The following C1orf21 variants were observed in gnomAD, a reference collection of about 807,000 sequenced individuals.
C1orf21 encodes chromosome 1 open reading frame 21.
Under a neutral mutation model 18.7 loss-of-function variants are expected in C1orf21, and 3 were observed. The observed-to-expected ratio is 0.16, with a 90% CI of 0.07 to 0.42. The LOEUF (loss-of-function observed/expected upper bound fraction) is 0.42, where lower values mean the gene tolerates loss of function less well. Ranked by LOEUF, C1orf21 falls within the 10% of genes least tolerant of loss-of-function variation. The pLI is 0.99. For synonymous variants in C1orf21, 41 were observed against 46.4 expected, an observed-to-expected ratio of 0.88 and a Z score of 0.47; for missense variants, 104 against 143.6, an observed-to-expected ratio of 0.72 and a Z score of 1.41.
intron 3 of C1orf21, chr1:184,566,461 C>T (rs886072142): frequency 4.1e-6 from 1 of 245,068 alleles, no homozygotes; most frequent in South Asian, 6.7e-5. Context: ...TATATATGAA[C>T]TTGTTGTTCT....
chr1:184,432,414 C>T (rs1341651022), intron 1 of C1orf21, among the ~76,000 whole-genome samples: 2 of 152,082 alleles, frequency 1.3e-5, no homozygotes, highest in Non-Finnish European at 2.9e-5. Flanking sequence ...CAAACTAACA[C>T]GGGAACAGAA....
At chr1:184,570,319 G>A (rs1335604209) in intron 3 of C1orf21, among the ~76,000 whole-genome samples, 2 of 152,116 alleles carry the variant, frequency 1.3e-5, no homozygotes, top group African/African-American at 4.8e-5. Flanking sequence ...TTTAAATTAT[G>A]TTAAATATGC....
At chr1:184,535,931 C>A (rs902670877) in intron 3 of C1orf21, among the ~76,000 whole-genome samples, 1 of 152,164 alleles carries the variant, frequency 6.6e-6, no homozygotes, top group African/African-American at 2.4e-5. Flanking sequence ...TAAATAATTT[C>A]TATTAATAGG....
At chr1:184,536,592 AG>A (rs1014573376) in intron 3 of C1orf21, among the ~76,000 whole-genome samples, 1 of 152,192 alleles carries the variant, frequency 6.6e-6, no homozygotes, top group African/African-American at 2.4e-5. Flanking sequence ...TGTGTGTGTT[AG>A]GGAGGGGTAG....
At chr1:184,583,318 C>T (rs185800718) in intron 3 of C1orf21, among the ~76,000 whole-genome samples, 8 of 152,200 alleles carry the variant, frequency 5.3e-5, no homozygotes, top group Non-Finnish European at 8.8e-5. Context: ...CAAGTATATT[C>T]GATTCATAAA....
At chr1:184,428,306 A>C (rs1399837126) in intron 1 of C1orf21, among the ~76,000 whole-genome samples, 1 of 152,258 alleles carries the variant, frequency 6.6e-6, no homozygotes, top group African/African-American at 2.4e-5. Context: ...ACAGGTAAAC[A>C]AATGTGCTGC....
chr1:184,519,382 G>A (rs935674531), intron 3 of C1orf21, among the ~76,000 whole-genome samples: 1 of 152,192 alleles, frequency 6.6e-6, no homozygotes, highest in Non-Finnish European at 1.5e-5. Context: ...TTCTCTAAGA[G>A]CAGGACCCTG....
intron 5 of C1orf21, among the ~76,000 whole-genome samples, chr1:184,611,799 G>A (rs115101528): frequency 6.6e-6 from 1 of 152,142 alleles, no homozygotes; most frequent in African/African-American, 2.4e-5. Context: ...GTCAAGGAAG[G>A]ATAACAATAA....
At chr1:184,464,955 G>T (rs1219181792) in intron 1 of C1orf21, among the ~76,000 whole-genome samples, 1 of 152,144 alleles carries the variant, frequency 6.6e-6, no homozygotes, top group Non-Finnish European at 1.5e-5. Flanking sequence ...CTTTTAAAGA[G>T]AGAAGGGATC....
chr1:184,436,253 C>T (rs1019353511), intron 1 of C1orf21, among the ~76,000 whole-genome samples: 6 of 152,130 alleles, frequency 3.9e-5, no homozygotes, highest in Middle Eastern at 3.4e-3. Context: ...GCCACATTGG[C>T]GACATTATTA....
At chr1:184,493,830 T>C (rs1657851512) in intron 2 of C1orf21, among the ~76,000 whole-genome samples, 1 of 152,238 alleles carries the variant, frequency 6.6e-6, no homozygotes, top group South Asian at 2.1e-4. Context: ...TTTCTTGCCT[T>C]GTTTCCCATG....
intron 2 of C1orf21, among the ~76,000 whole-genome samples, chr1:184,485,166 A>C (rs1043461055): frequency 7.9e-5 from 12 of 152,134 alleles, no homozygotes; most frequent in Non-Finnish European, 1.3e-4. Flanking sequence ...AGTCCAGCAC[A>C]GTACCCATGA....
intron 1 of C1orf21, among the ~76,000 whole-genome samples, chr1:184,463,374 GA>G (rs1657337707): frequency 6.6e-6 from 1 of 151,944 alleles, no homozygotes; most frequent in Admixed American, 6.6e-5. Context: ...GTTTCTATTT[GA>G]AAACCTTTAT....
At chr1:184,615,507 A>G (rs1206899233) in intron 5 of C1orf21, among the ~76,000 whole-genome samples, 1 of 152,194 alleles carries the variant, frequency 6.6e-6, no homozygotes, top group Admixed American at 6.5e-5. Context: ...GCATCCTGAC[A>G]AAGACTTCCA....
Position 184,620,505 on chromosome 1 carries a change from G to A in C1orf21, c.*949G>A, listed in dbSNP as rs979443229. ...TCTAAGAGGTGAGGGGACATCCTATGACTTTTTAGGAAGGCCTGAAACCAC... is the reference window on the plus strand; with the variant it reads ...TCTAAGAGGTGAGGGGACATCCTATAACTTTTTAGGAAGGCCTGAAACCAC... On this transcript the variant is annotated 3_prime_UTR_variant, in exon 6 of 6. Transcript: ENST00000235307. 1 of 152,524 alleles carries A rather than the reference G, an allele frequency of 6.6e-6. No individual in the cohort carries two copies. The highest frequency in any genetic ancestry group is 2.4e-5 in the African/African-American group (1 of 41,412). The allele number at this position is 152,524 out of a possible 1,614,324, so 9.4% of individuals were successfully genotyped here.
At chr1:184,452,619 A>G (rs1317526290) in intron 1 of C1orf21, among the ~76,000 whole-genome samples, 1 of 152,246 alleles carries the variant, frequency 6.6e-6, no homozygotes, top group Non-Finnish European at 1.5e-5. Flanking sequence ...ACTTGTTCAC[A>G]GTACATCTGT....
intron 3 of C1orf21, among the ~76,000 whole-genome samples, chr1:184,579,417 T>G (rs1659244297): frequency 8.2e-6 from 1 of 121,716 alleles, no homozygotes; most frequent in East Asian, 2.5e-4. Context: ...TGAGACGAGG[T>G]CTCACCATGT....
chr1:184,602,853 AC>A (rs1235356637), intron 5 of C1orf21, among the ~76,000 whole-genome samples: 1 of 152,224 alleles, frequency 6.6e-6, no homozygotes, highest in Non-Finnish European at 1.5e-5. Flanking sequence ...AAGATGTAAG[AC>A]CCTAGCTGAT....
chr1:184,472,792 A>G (rs1657513712), intron 1 of C1orf21, among the ~76,000 whole-genome samples: 1 of 152,202 alleles, frequency 6.6e-6, no homozygotes, highest in Non-Finnish European at 1.5e-5. Flanking sequence ...AAAGTAATGG[A>G]CCTACTTGCC....
Sources: allele counts gnomAD v4.1 joint callset (sites outside exome capture counted in the v4.1 genomes callset), GRCh38; gene constraint gnomAD v4.1.1; transcripts MANE v1.5; gene names NCBI Gene and HGNC (gene_info 2026-07-23, HGNC 2026-07-21).